Variants in LRRC37A2 observed in about 807,000 individuals in gnomAD.
The protein encoded by LRRC37A2 is leucine-rich repeat-containing protein 37A2.
LRRC37A2 carries 9 observed loss-of-function variants against 68.8 expected under a neutral mutation model. The observed-to-expected ratio is 0.13, with a 90% CI of 0.08 to 0.23. LRRC37A2 has a LOEUF of 0.23. LRRC37A2 is among the 10% of genes least tolerant of loss of function. LRRC37A2 has a pLI of 1.00. For synonymous variants in LRRC37A2, 63 were observed against 367.6 expected, an observed-to-expected ratio of 0.17 and a Z score of 9.48; for missense variants, 168 against 950.4, an observed-to-expected ratio of 0.18 and a Z score of 10.82.
the LRRC37A2 span, among the ~76,000 whole-genome samples, chr17:46,829,679 C>T: frequency 6.6e-6 from 1 of 151,900 alleles, no homozygotes; most frequent in African/African-American, 2.4e-5. Context: ...TGCCTGGGGA[C>T]ACTGGGACTC....
chr17:47,034,114 C>T, the LRRC37A2 span, among the ~76,000 whole-genome samples: 5 of 152,232 alleles, frequency 3.3e-5, no homozygotes, highest in South Asian at 2.1e-4. Context: ...ACAGGCAGAT[C>T]GCTTGAGCCC....
chr17:46,790,927 C>T, the LRRC37A2 span, among the ~76,000 whole-genome samples: 5 of 152,228 alleles, frequency 3.3e-5, no homozygotes, highest in Non-Finnish European at 5.9e-5. Context: ...CCTCCTGCAG[C>T]CTCATGCGTC....
the LRRC37A2 span, among the ~76,000 whole-genome samples, chr17:46,872,018 C>T: frequency 3.9e-5 from 6 of 152,220 alleles, no homozygotes; most frequent in Admixed American, 6.5e-5. Flanking sequence ...GCTGGGTGTC[C>T]GCTCAATGTC....
At chr17:46,746,675 G>A in the LRRC37A2 span, among the ~76,000 whole-genome samples, 1 of 151,942 alleles carries the variant, frequency 6.6e-6, no homozygotes, top group African/African-American at 2.4e-5. Context: ...GTTTTTCTTT[G>A]TAAAGACAGG....
the LRRC37A2 span, among the ~76,000 whole-genome samples, chr17:46,927,930 TCA>T: frequency 2.6e-5 from 4 of 152,152 alleles, no homozygotes; most frequent in Non-Finnish European, 5.9e-5. Context: ...AAAATTTACC[TCA>T]CAGCCTGCGT....
the LRRC37A2 span, chr17:46,934,997 A>G: frequency 1.2e-6 from 2 of 1,605,354 alleles, no homozygotes; most frequent in Non-Finnish European, 1.7e-6. Flanking sequence ...CTGATAAGCA[A>G]AGTTAATCAA....
intron 6 of LRRC37A2, among the ~76,000 whole-genome samples, chr17:46,530,439 A>C (rs562650675): frequency 1.3e-4 from 19 of 143,734 alleles, no homozygotes; most frequent in African/African-American, 5.0e-4. Flanking sequence ...GCACTGAAAA[A>C]CCATCTGGAA....
chr17:46,905,038 A>G, the LRRC37A2 span, among the ~76,000 whole-genome samples: 1 of 152,038 alleles, frequency 6.6e-6, no homozygotes, highest in Non-Finnish European at 1.5e-5. Flanking sequence ...CATTGGATAA[A>G]GGGGAATGGC....
chr17:46,526,467 CCT>C (rs1211553627), intron 6 of LRRC37A2, among the ~76,000 whole-genome samples: 16 of 103,274 alleles, frequency 1.5e-4, no homozygotes. Context: ...TTGCACAGGC[CCT>C]TCCAAGGTCG....
chr17:46,748,387 T>C, the LRRC37A2 span, among the ~76,000 whole-genome samples: 3 of 152,180 alleles, frequency 2.0e-5, no homozygotes, highest in Middle Eastern at 3.2e-3. Flanking sequence ...ACTGGAATTA[T>C]AGGCATGAGC....
At chr17:47,000,126 T>TAAAATAAAATAAAATAAAATAAAATAAAA in the LRRC37A2 span, among the ~76,000 whole-genome samples, 6 of 120,872 alleles carry the variant, frequency 5.0e-5, 1 homozygote, top group East Asian at 1.4e-3. Flanking sequence ...TAAAATAAAA[T>TAAAATAAAATAAAATAAAATAAAATAAAA]AAAATAAAAT....
At chr17:47,016,185 C>G in the LRRC37A2 span, among the ~76,000 whole-genome samples, 1 of 151,888 alleles carries the variant, frequency 6.6e-6, no homozygotes, top group Non-Finnish European at 1.5e-5. Flanking sequence ...CCTCAGTGAT[C>G]CCCCCACCTC....
the LRRC37A2 span, chr17:46,728,726 A>C: frequency 2.1e-6 from 1 of 467,006 alleles, no homozygotes; most frequent in African/African-American, 2.1e-5. Flanking sequence ...TTTTTTTCTT[A>C]TTCTATACAT....
At chr17:46,935,880 G>A in the LRRC37A2 span, 12 of 985,800 alleles carry the variant, frequency 1.2e-5, no homozygotes, top group South Asian at 1.4e-4. Context: ...ATAATAGGGC[G>A]TGGGTTCTGT....
the LRRC37A2 span, among the ~76,000 whole-genome samples, chr17:46,854,366 C>T: frequency 2.6e-5 from 4 of 152,314 alleles, no homozygotes; most frequent in African/African-American, 9.6e-5. Context: ...AGTGCTTTGG[C>T]ATCCTGATAA....
the LRRC37A2 span, among the ~76,000 whole-genome samples, chr17:46,502,146 A>C: frequency 1.3e-5 from 2 of 151,234 alleles, no homozygotes; most frequent in African/African-American, 4.9e-5. Context: ...GATTTTGAGA[A>C]TTTCACAGCA....
At chr17:47,004,148 C>G in the LRRC37A2 span, among the ~76,000 whole-genome samples, 1 of 152,162 alleles carries the variant, frequency 6.6e-6, no homozygotes, top group Non-Finnish European at 1.5e-5. Flanking sequence ...GGTTCCAAGT[C>G]TTTGCTATTG....
chr17:46,834,650 G>A, the LRRC37A2 span, among the ~76,000 whole-genome samples: 1 of 152,032 alleles, frequency 6.6e-6, no homozygotes. Context: ...GGTCCTTCTC[G>A]CCTGCCTCCT....
At chr17:46,890,387 G>T in the LRRC37A2 span, among the ~76,000 whole-genome samples, 1 of 152,172 alleles carries the variant, frequency 6.6e-6, no homozygotes. Flanking sequence ...TCGATAAGAG[G>T]CTGGATGGTG....
Sources: allele counts gnomAD v4.1 joint callset (sites outside exome capture counted in the v4.1 genomes callset), GRCh38; gene constraint gnomAD v4.1.1; transcripts MANE v1.5; gene names NCBI Gene and HGNC (gene_info 2026-07-23, HGNC 2026-07-21).